MAP4K4: variants seen among roughly 807,000 people sequenced by gnomAD.
MAP4K4 encodes the protein HPK/GCK-like kinase HGK.
MAP4K4 carries 38 observed loss-of-function variants against 189.6 expected under a neutral mutation model. The ratio of observed to expected loss-of-function variants is 0.20; its 90% CI spans 0.15 to 0.26. MAP4K4 has a LOEUF of 0.26. Among genes scored for constraint, MAP4K4 ranks in the 10% least tolerant of loss-of-function variants. The pLI, the probability that MAP4K4 is intolerant of heterozygous loss-of-function variation, is 1.00. For missense variants in MAP4K4, 1,054 were observed against 1,726.9 expected (o/e 0.61, Z 6.91); for synonymous variants, 610 against 624.3 (o/e 0.98, Z 0.34).
At chr2:101,869,575 C>A in intron 21 of MAP4K4, 47 bp from the exon 22 acceptor site, 1 of 1,462,428 alleles carries the variant, frequency 6.8e-7, no homozygotes, top group South Asian at 1.2e-5. Context: ...CTTCTCCTGT[C>A]CCTGCTCCTG....
chr2:101,718,126 C>G (rs2049475039), intron 2 of MAP4K4, among the ~76,000 whole-genome samples: 1 of 152,014 alleles, frequency 6.6e-6, no homozygotes, highest in Non-Finnish European at 1.5e-5. Context: ...CATGATGGCA[C>G]ATGCCTGTAA....
chr2:101,842,722 G>C, intron 11 of MAP4K4, 41 bp downstream of exon 11: 1 of 1,522,516 alleles, frequency 6.6e-7, no homozygotes, highest in Non-Finnish European at 9.0e-7. Context: ...CTTTATGAAG[G>C]GATTAAGTTT....
At chr2:101,886,656 T>G (rs1429178033) in intron 29 of MAP4K4, among the ~76,000 whole-genome samples, 4 of 152,198 alleles carry the variant, frequency 2.6e-5, no homozygotes, top group Admixed American at 6.5e-5. Context: ...AGACTAATTT[T>G]GTAGAGTATT....
intron 2 of MAP4K4, among the ~76,000 whole-genome samples, chr2:101,736,581 T>C (rs1468937776): frequency 6.6e-6 from 1 of 152,232 alleles, no homozygotes; most frequent in East Asian, 1.9e-4. Context: ...GATCCTTATG[T>C]GTTTTGAGTA....
intron 3 of MAP4K4, among the ~76,000 whole-genome samples, chr2:101,821,183 G>A (rs1398832513): frequency 1.3e-5 from 2 of 152,124 alleles, no homozygotes; most frequent in African/African-American, 4.8e-5. Context: ...CCTATATGCA[G>A]GGTTTGAATG....
intron 13 of MAP4K4, among the ~76,000 whole-genome samples, chr2:101,856,468 A>G (rs142800060): frequency 8.1e-4 from 123 of 152,196 alleles, no homozygotes; most frequent in African/African-American, 2.9e-3. Flanking sequence ...CCCCAAATAT[A>G]TGGGTGATAA....
At chr2:101,735,054 GAACTT>G (rs1426245376) in intron 2 of MAP4K4, among the ~76,000 whole-genome samples, 1 of 147,116 alleles carries the variant, frequency 6.8e-6, no homozygotes, top group African/African-American at 2.7e-5. Context: ...TCACTGGTTA[GAACTT>G]AACATTTATT....
chr2:101,856,407 C>A (rs2097462465), intron 13 of MAP4K4, among the ~76,000 whole-genome samples: 1 of 152,032 alleles, frequency 6.6e-6, no homozygotes, highest in Non-Finnish European at 1.5e-5. Flanking sequence ...TAGTATAATA[C>A]CTGAAAGATG....
intron 2 of MAP4K4, among the ~76,000 whole-genome samples, chr2:101,749,491 C>A (rs1449557734): frequency 0.032 from 3,225 of 99,526 alleles, no homozygotes; most frequent in South Asian, 0.048. Flanking sequence ...CTTCCTTACA[C>A]CTTACACAAA....
chr2:101,857,192 C>G (rs11895898), intron 13 of MAP4K4, among the ~76,000 whole-genome samples: 10,202 of 152,088 alleles, frequency 0.067, 452 homozygotes, highest in African/African-American at 0.12. Flanking sequence ...CTTTAATGCT[C>G]TAGTGGCAGT....
chr2:101,764,808 T>C (rs190854363), intron 2 of MAP4K4, among the ~76,000 whole-genome samples: 213 of 152,312 alleles, frequency 1.4e-3, no homozygotes, highest in African/African-American at 4.8e-3. Flanking sequence ...AATATTTCCC[T>C]TTTCTCCTGC....
At chr2:101,729,246 C>G (rs2057308679) in intron 2 of MAP4K4, among the ~76,000 whole-genome samples, 1 of 67,476 alleles carries the variant, frequency 1.5e-5, no homozygotes, top group African/African-American at 9.8e-5. Context: ...TAATATTATG[C>G]TTACAGTCTC....
At chr2:101,768,112 C>T (rs1213819444) in intron 2 of MAP4K4, among the ~76,000 whole-genome samples, 1 of 152,098 alleles carries the variant, frequency 6.6e-6, no homozygotes, top group African/African-American at 2.4e-5. Context: ...CTTAAGCTGC[C>T]TCTCTAAGAA....
chr2:101,843,970 T>C (rs1196734195), intron 11 of MAP4K4, 131 bp from the exon 12 acceptor site: 1 of 623,978 alleles, frequency 1.6e-6, no homozygotes, highest in Non-Finnish European at 2.9e-6. Flanking sequence ...GTGGATGTAT[T>C]AGTTGTCTCC....
At chr2:101,733,832 G>A (rs1347911890) in intron 2 of MAP4K4, among the ~76,000 whole-genome samples, 1 of 152,202 alleles carries the variant, frequency 6.6e-6, no homozygotes, top group East Asian at 1.9e-4. Context: ...GAAGAGCACA[G>A]ATCAGGAGTC....
chr2:101,835,507 C>G (rs1333151678), intron 8 of MAP4K4, among the ~76,000 whole-genome samples: 1 of 152,314 alleles, frequency 6.6e-6, no homozygotes, highest in East Asian at 1.9e-4. Context: ...TGTGCTCATT[C>G]TGTTCCAGGC....
chr2:101,830,874 C>G (rs1188694985), intron 6 of MAP4K4, among the ~76,000 whole-genome samples: 1 of 152,214 alleles, frequency 6.6e-6, no homozygotes, highest in Non-Finnish European at 1.5e-5. Context: ...CCGTGTGTCT[C>G]TGTCTCTAAA....
intron 2 of MAP4K4, among the ~76,000 whole-genome samples, chr2:101,714,886 C>A (rs1425909417): frequency 1.3e-5 from 2 of 152,160 alleles, no homozygotes; most frequent in African/African-American, 4.8e-5. Flanking sequence ...GTTAAAAAAA[C>A]CAGCTTAAGA....
chr2:101,765,641 T>G (rs776986367), intron 2 of MAP4K4, among the ~76,000 whole-genome samples: 12 of 152,196 alleles, frequency 7.9e-5, no homozygotes, highest in Non-Finnish European at 1.5e-4. Context: ...ATGAAGTATC[T>G]TGATCTCTGT....
Sources: gnomAD v4.1 joint callset for allele counts (sites outside exome capture counted in the v4.1 genomes callset) on GRCh38, gnomAD v4.1.1 for gene constraint, MANE v1.5 for transcripts, NCBI Gene and HGNC (gene_info 2026-07-23, HGNC 2026-07-21) for gene names.